The following SMYD3 variants were observed in gnomAD, a reference collection of about 807,000 sequenced individuals.
SMYD3 encodes SET and MYND domain containing 3.
In SMYD3, 36 loss-of-function variants were observed where a neutral mutation model predicts 57.7. The ratio of observed to expected loss-of-function variants is 0.62; its 90% CI spans 0.48 to 0.82. The LOEUF (loss-of-function observed/expected upper bound fraction) is 0.82, where lower values mean the gene tolerates loss of function less well. SMYD3 is among the 40% of genes least tolerant of loss of function. The pLI, the probability that SMYD3 is intolerant of heterozygous loss-of-function variation, is 0.00. For missense variants in SMYD3, 515 were observed against 538.8 expected (o/e 0.96, Z 0.44); for synonymous variants, 211 against 195.0 (o/e 1.08, Z -0.68).
At chr1:246,418,817 G>A (rs1020993208) in intron 1 of SMYD3, among the ~76,000 whole-genome samples, 1 of 152,102 alleles carries the variant, frequency 6.6e-6, no homozygotes, top group Non-Finnish European at 1.5e-5. Context: ...CTGCCTGCGT[G>A]CTCCCCTTTG....
At chr1:246,237,306 T>G (rs2063528873) in intron 5 of SMYD3, among the ~76,000 whole-genome samples, 1 of 152,226 alleles carries the variant, frequency 6.6e-6, no homozygotes, top group South Asian at 2.1e-4. Flanking sequence ...AAGCCTTTCC[T>G]GACCATCGCC....
intron 5 of SMYD3, among the ~76,000 whole-genome samples, chr1:246,045,363 C>T (rs1285119137): frequency 6.6e-6 from 1 of 151,950 alleles, no homozygotes; most frequent in African/African-American, 2.4e-5. Flanking sequence ...ACAAACCTCA[C>T]AAAAAGAAGA....
intron 5 of SMYD3, among the ~76,000 whole-genome samples, chr1:246,189,581 AAAG>A (rs1273679802): frequency 6.6e-6 from 1 of 152,220 alleles, no homozygotes; most frequent in Admixed American, 6.5e-5. Context: ...AGGAGAGGCT[AAAG>A]AAGTGATTTT....
At chr1:246,105,080 G>A (rs1208551912) in intron 5 of SMYD3, among the ~76,000 whole-genome samples, 1 of 152,100 alleles carries the variant, frequency 6.6e-6, no homozygotes, top group Admixed American at 6.5e-5. Context: ...GGACATTCTG[G>A]CCACACCATC....
chr1:246,123,208 A>G (rs1224054366), intron 5 of SMYD3, among the ~76,000 whole-genome samples: 1 of 152,202 alleles, frequency 6.6e-6, no homozygotes, highest in Non-Finnish European at 1.5e-5. Flanking sequence ...CCAAAATTAA[A>G]GAGAACTTCA....
At chr1:245,793,650 C>G (rs947274566) in intron 10 of SMYD3, among the ~76,000 whole-genome samples, 1 of 151,966 alleles carries the variant, frequency 6.6e-6, no homozygotes. Context: ...CCAGTGCCCC[C>G]CCAACTGCCC....
chr1:246,031,083 G>T (rs1446896762), intron 5 of SMYD3, among the ~76,000 whole-genome samples: 1 of 152,092 alleles, frequency 6.6e-6, no homozygotes, highest in Non-Finnish European at 1.5e-5. Flanking sequence ...GGAATCACCT[G>T]CCAGGTAAGG....
chr1:246,266,382 CTAAAG>C (rs1281050111), intron 5 of SMYD3, among the ~76,000 whole-genome samples: 3 of 152,042 alleles, frequency 2.0e-5, no homozygotes, highest in Non-Finnish European at 4.4e-5. Flanking sequence ...CTCTGTATTC[CTAAAG>C]TATTTTGTTC....
At chr1:246,027,432 G>A (rs2059595054) in intron 5 of SMYD3, among the ~76,000 whole-genome samples, 1 of 152,186 alleles carries the variant, frequency 6.6e-6, no homozygotes. Context: ...TCTCTTGTTA[G>A]GGTCTAATGC....
At chr1:245,988,107 AACACAC>A (rs35432668) in intron 5 of SMYD3, among the ~76,000 whole-genome samples, 19,561 of 148,412 alleles carry the variant, frequency 0.13, 1,317 homozygotes, top group East Asian at 0.19. Context: ...AACCAAACCA[AACACAC>A]ACACACACAC....
intron 1 of SMYD3, among the ~76,000 whole-genome samples, chr1:246,471,389 G>C (rs1442506813): frequency 6.6e-6 from 1 of 152,062 alleles, no homozygotes; most frequent in East Asian, 1.9e-4. Context: ...TAGAGACAGG[G>C]TCTTGCCATG....
chr1:245,954,956 A>G (rs796320524), intron 5 of SMYD3, among the ~76,000 whole-genome samples: 2 of 152,352 alleles, frequency 1.3e-5, no homozygotes, highest in African/African-American at 2.4e-5. Context: ...GTAGTTGCAG[A>G]ATAAAGACAA....
At chr1:245,831,028 T>A (rs571417761) in intron 10 of SMYD3, among the ~76,000 whole-genome samples, 2 of 152,190 alleles carry the variant, frequency 1.3e-5, no homozygotes, top group South Asian at 4.2e-4. Context: ...AACAACCTCA[T>A]CCAAACTTCA....
At chr1:245,893,674 G>A (rs2053541685) in intron 8 of SMYD3, among the ~76,000 whole-genome samples, 1 of 152,204 alleles carries the variant, frequency 6.6e-6, no homozygotes, top group Non-Finnish European at 1.5e-5. Context: ...TGGGTTAGCA[G>A]GTGCTGGGAG....
intron 5 of SMYD3, among the ~76,000 whole-genome samples, chr1:246,111,691 T>A (rs1257887089): frequency 1.3e-5 from 2 of 152,122 alleles, no homozygotes; most frequent in East Asian, 3.9e-4. Flanking sequence ...ACGGTGCACA[T>A]CCCCTTTGCG....
intron 1 of SMYD3, among the ~76,000 whole-genome samples, chr1:246,439,353 C>T (rs770011072): frequency 6.2e-4 from 95 of 152,242 alleles, no homozygotes; most frequent in South Asian, 2.9e-3. Context: ...TTCAAGTTTC[C>T]GTGGACTTTA....
rs2065528016 is a variant in SMYD3 at position 246,335,453 on chromosome 1, T to C, written c.250A>G (p.Lys84Glu). The change falls in exon 3 of 12, where the codon AAG (lysine) becomes GAG (glutamate). Residue 84 changes from lysine (K) to glutamate (E), a missense_variant. Lys to Glu is a moderately conservative substitution (Grantham distance 56). Transcript: ENST00000490107. ...KCQKKAWPDH[K>E]RECKCLKSCK... ...CTTTTAAGGCATTTGCATTCCCGCT[T>C]GTGGTCTGGCCAAGCTTTTTTCTAT... is the stretch of plus-strand genomic sequence containing the variant. 9 of 1,614,176 alleles carry C rather than the reference T, an allele frequency of 5.6e-6. No individual in the cohort carries two copies. The highest frequency in any genetic ancestry group is 1.1e-5 in the South Asian group (1 of 91,086).
intron 5 of SMYD3, among the ~76,000 whole-genome samples, chr1:246,121,432 C>CAAAAAAAAAAAAAA (rs10646615): frequency 2.0e-5 from 2 of 100,298 alleles, no homozygotes; most frequent in African/African-American, 3.9e-5. Flanking sequence ...TTCCATTTTG[C>CAAAAAAAAAAAAAA]AAAAAAAAAA....
In SMYD3 at chr1:246,404,219, G is replaced by A. The variant is rs144488771; in HGVS notation, c.165-49125C>T. On this transcript the variant is annotated intron_variant, in intron 1 of 11. Coordinates refer to ENST00000490107, the MANE Select transcript of SMYD3 (RefSeq NM_001167740.2). ...TGAGGTCAGCAGCACCACGGCAGCT[G>A]TGAAAGGTTAGCAGTTTTGTTTTTG... 4.8e-3 allele frequency among the ~76,000 whole-genome samples: 733 copies of A among 152,346 alleles called. 6 individuals are homozygous for A. The highest frequency in any genetic ancestry group is 8.2e-3 in the Non-Finnish European group (555 of 68,034).
Sources: gnomAD v4.1 joint callset for allele counts (sites outside exome capture counted in the v4.1 genomes callset) on GRCh38, gnomAD v4.1.1 for gene constraint, MANE v1.5 for transcripts, NCBI Gene and HGNC (gene_info 2026-07-23, HGNC 2026-07-21) for gene names.